Variants in HEMK2 observed in about 807,000 individuals in gnomAD.
HEMK2 encodes methyltransferase HEMK2.
At chr21:28,754,748 G>A in the HEMK2 span, among the ~76,000 whole-genome samples, 2 of 152,218 alleles carry the variant, frequency 1.3e-5, no homozygotes, top group African/African-American at 4.8e-5. Context: ...TAATTATTGA[G>A]AGCCTATTAT....
At chr21:28,699,647 T>C in the HEMK2 span, among the ~76,000 whole-genome samples, 11 of 152,194 alleles carry the variant, frequency 7.2e-5, no homozygotes, top group African/African-American at 2.2e-4. Flanking sequence ...TAAGAGAAAT[T>C]TGTTTACCAA....
At chr21:28,849,089 C>A in the HEMK2 span, among the ~76,000 whole-genome samples, 1 of 152,200 alleles carries the variant, frequency 6.6e-6, no homozygotes, top group African/African-American at 2.4e-5. Flanking sequence ...TTGGCTACGA[C>A]CACCCATCAG....
chr21:28,860,422 G>T, the HEMK2 span, among the ~76,000 whole-genome samples: 1 of 150,904 alleles, frequency 6.6e-6, no homozygotes, highest in African/African-American at 2.4e-5. Flanking sequence ...GATTGTGTGA[G>T]TTAAACTTAA....
the HEMK2 span, among the ~76,000 whole-genome samples, chr21:28,862,090 A>C: frequency 6.6e-6 from 1 of 152,182 alleles, no homozygotes; most frequent in African/African-American, 2.4e-5. Flanking sequence ...TGGACTTTCA[A>C]GATGAAATCA....
At chr21:28,729,879 T>TA in the HEMK2 span, among the ~76,000 whole-genome samples, 1 of 152,052 alleles carries the variant, frequency 6.6e-6, no homozygotes, top group East Asian at 1.9e-4. Flanking sequence ...TTTTTCTAAT[T>TA]AAAAAATAAT....
the HEMK2 span, among the ~76,000 whole-genome samples, chr21:28,819,862 T>C: frequency 6.6e-6 from 1 of 152,138 alleles, no homozygotes; most frequent in African/African-American, 2.4e-5. Context: ...CTTTATTTTC[T>C]AACGATTTCT....
At chr21:28,700,072 G>A in the HEMK2 span, among the ~76,000 whole-genome samples, 1 of 152,094 alleles carries the variant, frequency 6.6e-6, no homozygotes, top group African/African-American at 2.4e-5. Context: ...CAGTGTTTGA[G>A]ACTTAACAAA....
the HEMK2 span, among the ~76,000 whole-genome samples, chr21:28,702,906 A>G: frequency 2.6e-5 from 4 of 152,196 alleles, no homozygotes; most frequent in African/African-American, 9.6e-5. Flanking sequence ...TGTGGAATCA[A>G]CCTAAATGCC....
At chr21:28,801,957 G>C in the HEMK2 span, among the ~76,000 whole-genome samples, 1 of 152,130 alleles carries the variant, frequency 6.6e-6, no homozygotes, top group African/African-American at 2.4e-5. Context: ...ATCTTTGGCG[G>C]CCAATTTGGC....
chr21:28,675,194 CTTATTCCTCTT>C, the HEMK2 span, among the ~76,000 whole-genome samples: 1 of 152,164 alleles, frequency 6.6e-6, no homozygotes, highest in African/African-American at 2.4e-5. Context: ...AACAAGTAAA[CTTATTCCTCTT>C]TTATGTACAA....
chr21:28,835,741 A>T, the HEMK2 span, among the ~76,000 whole-genome samples: 1 of 152,324 alleles, frequency 6.6e-6, no homozygotes, highest in East Asian at 1.9e-4. Flanking sequence ...CCAAAAAATG[A>T]TACAGGAAGT....
chr21:28,850,415 G>A, the HEMK2 span, among the ~76,000 whole-genome samples: 4 of 151,638 alleles, frequency 2.6e-5, no homozygotes, highest in Non-Finnish European at 5.9e-5. Context: ...TAGTAGAGAC[G>A]GGGTTTCACC....
At chr21:28,664,969 C>G in the HEMK2 span, among the ~76,000 whole-genome samples, 1 of 152,054 alleles carries the variant, frequency 6.6e-6, no homozygotes, top group Non-Finnish European at 1.5e-5. Flanking sequence ...CCATTTATAG[C>G]TCCAGTTACT....
At chr21:28,879,948 T>G in the HEMK2 span, 1 of 1,598,932 alleles carries the variant, frequency 6.3e-7, no homozygotes, top group African/African-American at 1.3e-5. Context: ...GTAGCAAGCC[T>G]TTGACCTAAA....
chr21:28,703,293 C>T, the HEMK2 span, among the ~76,000 whole-genome samples: 4 of 148,682 alleles, frequency 2.7e-5, no homozygotes, highest in African/African-American at 1.0e-4. Context: ...CAAACCTGCA[C>T]ATGTACCCCT....
At chr21:28,879,996 G>T in the HEMK2 span, 1 of 1,314,366 alleles carries the variant, frequency 7.6e-7, no homozygotes, top group Non-Finnish European at 1.1e-6. Flanking sequence ...ATTAAACTCT[G>T]AATTAAATAA....
the HEMK2 span, among the ~76,000 whole-genome samples, chr21:28,805,093 G>A: frequency 9.9e-5 from 15 of 152,108 alleles, no homozygotes; most frequent in Non-Finnish European, 1.9e-4. Flanking sequence ...TTTCTGTCTT[G>A]CAGAAGCAAG....
At chr21:28,803,224 G>T in the HEMK2 span, among the ~76,000 whole-genome samples, 655 of 152,316 alleles carry the variant, frequency 4.3e-3, 7 homozygotes, top group Non-Finnish European at 4.2e-3. Context: ...TTCATGTTCT[G>T]TTGGTTCCTA....
At chr21:28,774,267 C>T in the HEMK2 span, among the ~76,000 whole-genome samples, 37 of 152,254 alleles carry the variant, frequency 2.4e-4, 1 homozygote, top group African/African-American at 7.5e-4. Context: ...ATCAAGCATA[C>T]CTACTAAAAA....
Sources: allele counts gnomAD v4.1 joint callset (sites outside exome capture counted in the v4.1 genomes callset), GRCh38; gene constraint gnomAD v4.1.1; transcripts MANE v1.5; gene names NCBI Gene and HGNC (gene_info 2026-07-23, HGNC 2026-07-21).